TBP: variants seen among roughly 807,000 people sequenced by gnomAD.
TBP encodes the protein TATA-box binding protein, also known as TATA-box-binding protein.
Under a neutral mutation model 46.2 loss-of-function variants are expected in TBP, and 12 were observed. The ratio of observed to expected loss-of-function variants is 0.26; its 90% CI spans 0.17 to 0.42. TBP has a LOEUF of 0.42. Among genes scored for constraint, TBP ranks in the 10% least tolerant of loss-of-function variants. The pLI is 1.00. For synonymous variants in TBP, 157 were observed against 148.3 expected, an observed-to-expected ratio of 1.06 and a Z score of -0.42; for missense variants, 229 against 403.1, an observed-to-expected ratio of 0.57 and a Z score of 3.70.
intron 5 of TBP, among the ~76,000 whole-genome samples, chr6:170,567,794 A>G (rs983688156): frequency 1.1e-4 from 16 of 152,174 alleles, no homozygotes; most frequent in African/African-American, 2.2e-4. Flanking sequence ...GTCATTGCCT[A>G]TATTCTCCAT....
rs1216696648 is a variant in TBP at position 170,571,264 on chromosome 6, A to G, written c.846-146A>G. ...CGGCCTCACTTGCTTTAATTATTCT[A>G]TTCTATCCTTTGATGCTGCTTGAAG... On this transcript the variant is annotated intron_variant, in intron 6 of 7. Transcript: ENST00000392092. The G allele has an allele frequency of 4.8e-4, 303 of 628,178 alleles. 2 individuals carry two copies. Among genetic ancestry groups the G allele is most frequent in the Non-Finnish European group, 7.5e-5 (27 of 358,768 alleles). 38.9% of individuals were successfully genotyped at this position (628,178 alleles called of 1,614,324 possible).
chr6:170,567,552 G>A (rs1779287559), intron 5 of TBP: 2 of 152,226 alleles, frequency 1.3e-5, no homozygotes, highest in South Asian at 2.1e-4. Flanking sequence ...TTCCCTTTAT[G>A]TGAAAAATGT....
At chr6:170,558,673 A>ACTTTTTTTTTT (rs1226447821) in intron 2 of TBP, among the ~76,000 whole-genome samples, 1 of 145,732 alleles carries the variant, frequency 6.9e-6, no homozygotes, top group Non-Finnish European at 1.5e-5. Context: ...TTGTTATCAA[A>ACTTTTTTTTTT]CTTTTTTTTT....
rs1779373237 is a variant in TBP, at chr6:170,571,947, T to C, written c.941-239T>C. ...AAGGAGAGAAGTGTGAATACATGCC[T>C]CTTGAGCTATAGAATGAGACGCTGG... On this transcript the variant is annotated intron_variant, in intron 7 of 7. Coordinates refer to ENST00000392092, the MANE Select transcript of TBP (RefSeq NM_003194.5). Among the ~76,000 whole-genome samples, 3 of 151,788 alleles carry C rather than the reference T, an allele frequency of 2.0e-5. No individual in the cohort carries two copies. The South Asian group carries it at 6.2e-4, about 31-fold the overall frequency.
At chr6:170,563,596 T>C (rs1779189135) in intron 3 of TBP, among the ~76,000 whole-genome samples, 1 of 152,200 alleles carries the variant, frequency 6.6e-6, no homozygotes. Context: ...AAAACATTCA[T>C]TGTGTGGATC....
chr6:170,571,444 A>G lies in TBP; in HGVS notation c.880A>G (p.Arg294Gly). The change falls in exon 7 of 8, where the codon AGA (arginine) becomes GGA (glycine). Residue 294 changes from arginine (R) to glycine (G), a missense_variant. Physicochemically the swap from Arg to Gly is moderately radical, Grantham distance 125 (BLOSUM62 -2). Transcript: ENST00000392092. ...EPELFPGLIYRMIKPRIVLLI... is the reference protein window; with the variant it reads ...EPELFPGLIYGMIKPRIVLLI... ...AGAGTTATTTCCTGGTTTAATCTAC[A>G]GAATGATCAAACCCAGAATTGTTCT... The G allele has an allele frequency of 6.2e-7, 1 of 1,613,994 alleles. No homozygotes were observed. Among genetic ancestry groups the G allele is most frequent in the Non-Finnish European group, 8.5e-7 (1 of 1,179,990 alleles).
chr6:170,562,293 G>A (rs1275075200), intron 3 of TBP, 60 bp downstream of exon 3: 2 of 1,524,656 alleles, frequency 1.3e-6, no homozygotes, highest in East Asian at 2.3e-5. Context: ...TTATGTTCCT[G>A]CTCTGTTTTC....
chr6:170,571,598 G>A, intron 7 of TBP, 94 bp downstream of exon 7: 1 of 965,874 alleles, frequency 1.0e-6, no homozygotes. Context: ...TGTTCGGACA[G>A]TGGGCTAGCT....
chr6:170,567,845 G>C (rs1187176447), intron 5 of TBP, among the ~76,000 whole-genome samples: 2 of 152,216 alleles, frequency 1.3e-5, no homozygotes. Flanking sequence ...CTGCGGCCCT[G>C]ACTGTTCTAA....
intron 4 of TBP, among the ~76,000 whole-genome samples, chr6:170,565,604 A>G (rs1256366132): frequency 3.0e-4 from 45 of 152,248 alleles, no homozygotes. Context: ...AGTTGAATAC[A>G]TAATTTTATT....
intron 2 of TBP, among the ~76,000 whole-genome samples, chr6:170,558,336 C>A (rs767517200): frequency 3.3e-5 from 5 of 152,208 alleles, no homozygotes; most frequent in Non-Finnish European, 7.3e-5. Flanking sequence ...TGCTCCACAT[C>A]CTCACCAACA....
At position 170,556,990 on chromosome 6, in the gene TBP, G is replaced by A. The variant is rs1422393118; in HGVS notation, c.-40G>A. On this transcript the variant is annotated 5_prime_UTR_variant, in exon 2 of 8. Coordinates refer to ENST00000392092, the MANE Select transcript of TBP (RefSeq NM_003194.5). ...AAATTGAATAGTGAGACGAGTTCCA[G>A]CGCAAGGGTTTCTGGTTTGCCAAGA... 4 of 1,609,748 alleles carry A rather than the reference G, an allele frequency of 2.5e-6. No homozygotes were observed. The East Asian group carries it at 6.7e-5, about 27-fold the overall frequency.
At position 170,561,906 on chromosome 6, in the gene TBP, GGCAGCAGCAGCAACAACAACAGCAGCA is replaced by G; in HGVS notation, c.183_209del (p.Gln87_Gln95del). On this transcript the variant is annotated inframe_deletion, in exon 3 of 8. Coordinates refer to ENST00000392092, the MANE Select transcript of TBP (RefSeq NM_003194.5). ...CTGTCTATTTTGGAAGAGCAACAAA[GGCAGCAGCAGCAACAACAACAGCAGCA>G]GCAGCAGCAGCAGCAGCAACAGCAA... The G allele has an allele frequency of 6.3e-7, 1 of 1,599,356 alleles. No individual in the cohort carries two copies. The highest frequency in any genetic ancestry group is 8.5e-7 in the Non-Finnish European group (1 of 1,177,644).
chr6:170,558,497 C>T (rs1481636183), intron 2 of TBP, among the ~76,000 whole-genome samples: 1 of 151,998 alleles, frequency 6.6e-6, no homozygotes, highest in East Asian at 1.9e-4. Flanking sequence ...CCTCACTTTA[C>T]TGCACTTCAC....
In TBP at chr6:170,562,027, G is replaced by A; in HGVS notation, c.291G>A (p.Val97=). Residue 97 remains valine, a synonymous_variant, in exon 3 of 8, where the codon GTG becomes GTA. Transcript: ENST00000392092. ...AGCAGCAGCAGCAGCAACAGGCAGTGGCAGCTGCAGCCGTTCAGCAGTCAA... is the reference window on the plus strand; with the variant it reads ...AGCAGCAGCAGCAGCAACAGGCAGTAGCAGCTGCAGCCGTTCAGCAGTCAA... ...QQQQQQQQQA[V]AAAAVQQSTS... 3.7e-6 allele frequency: 6 copies of A among 1,612,296 alleles called. No individual in the cohort carries two copies. The highest frequency in any genetic ancestry group is 2.2e-5 in the East Asian group (1 of 44,844).
chr6:170,562,083 G>A lies in TBP; in HGVS notation c.347G>A (p.Gly116Asp). 1.9e-6 allele frequency: 3 copies of A among 1,613,986 alleles called. No homozygotes were observed. The highest frequency in any genetic ancestry group is 2.5e-6 in the Non-Finnish European group (3 of 1,180,006). ...CAGCAGGCAACACAGGGAACCTCAGGCCAGGCACCACAGCTCTTCCACTCA... is the reference window on the plus strand; with the variant it reads ...CAGCAGGCAACACAGGGAACCTCAGACCAGGCACCACAGCTCTTCCACTCA... ...TSQQATQGTSGQAPQLFHSQT... is the reference protein window; with the variant it reads ...TSQQATQGTSDQAPQLFHSQT... Residue 116 changes from glycine (G) to aspartate (D), a missense_variant, in exon 3 of 8, where the codon GGC (glycine) becomes GAC (aspartate). By Grantham distance (94) the Gly-to-Asp change is moderately conservative (BLOSUM62 -1). This residue lies in a region of TBP where 69 missense variants were observed against 66.2 expected (regional missense o/e 1.04). Transcript: ENST00000392092.
intron 6 of TBP, 61 bp from the exon 7 acceptor site, chr6:170,571,349 C>T: frequency 2.5e-6 from 3 of 1,215,704 alleles, no homozygotes; most frequent in Non-Finnish European, 3.6e-6. Context: ...TACAGGTCCT[C>T]ATTTTATCTA....
chr6:170,572,294 C>A lies in TBP; in HGVS notation c.*29C>A. The A allele has an allele frequency of 6.6e-7, 1 of 1,526,612 alleles. No homozygotes were observed. The highest frequency in any genetic ancestry group is 8.9e-7 in the Non-Finnish European group (1 of 1,118,128). The allele number at this position is 1,526,612 out of a possible 1,614,324, so 94.6% of individuals were successfully genotyped here. ...CTCTCATGTACCCTTGCCTCCCCCA[C>A]CCCCTTCTTTTTTTTTTTTTAAACA... On this transcript the variant is annotated 3_prime_UTR_variant, in exon 8 of 8. Coordinates refer to ENST00000392092, the MANE Select transcript of TBP (RefSeq NM_003194.5).
chr6:170,564,420 T>C (rs562185300), intron 3 of TBP, 125 bp from the exon 4 acceptor site: 2 of 574,108 alleles, frequency 3.5e-6, no homozygotes, highest in East Asian at 6.6e-5. Flanking sequence ...AAACAATAAA[T>C]GTGAGCAATT....
Sources: gnomAD v4.1 joint callset for allele counts (sites outside exome capture counted in the v4.1 genomes callset) on GRCh38, gnomAD v4.1.1 for gene constraint, gnomAD v4.1.1 regional missense constraint, MANE v1.5 for transcripts, NCBI Gene and HGNC (gene_info 2026-07-23, HGNC 2026-07-21) for gene names.